GALNT13: variants seen among roughly 807,000 people sequenced by gnomAD.
GALNT13 encodes polypeptide N-acetylgalactosaminyltransferase 13, also known as UDP-GalNAc:polypeptide N-acetylgalactosaminyltransferase 13.
GALNT13 carries 28 observed loss-of-function variants against 64.2 expected under a neutral mutation model. That is an observed-to-expected ratio of 0.44 (90% CI 0.32 to 0.60). The LOEUF is 0.60. Ranked by LOEUF, GALNT13 falls within the 20% of genes least tolerant of loss-of-function variation. The pLI, the probability that GALNT13 is intolerant of heterozygous loss-of-function variation, is 0.05. For synonymous variants in GALNT13, 214 were observed against 224.6 expected (o/e 0.95, Z 0.42); for missense variants, 577 against 669.8 (o/e 0.86, Z 1.53).
chr2:154,275,266 G>A (rs1290889759), intron 8 of GALNT13, among the ~76,000 whole-genome samples: 1 of 152,028 alleles, frequency 6.6e-6, no homozygotes, highest in African/African-American at 2.4e-5. Flanking sequence ...AAGACAATGG[G>A]GAAAAGGTTT....
At chr2:154,279,161 C>G (rs1190909690) in intron 8 of GALNT13, among the ~76,000 whole-genome samples, 1 of 152,026 alleles carries the variant, frequency 6.6e-6, no homozygotes, top group Non-Finnish European at 1.5e-5. Context: ...CCAGAACACT[C>G]TAGATGAGTT....
chr2:153,215,279 G>A, the GALNT13 span, among the ~76,000 whole-genome samples: 38 of 151,978 alleles, frequency 2.5e-4, no homozygotes, highest in South Asian at 6.2e-4. Flanking sequence ...CCTGTCATCC[G>A]CCAGAGATTT....
chr2:153,977,554 C>A (rs1694163590), intron 3 of GALNT13, among the ~76,000 whole-genome samples: 1 of 152,146 alleles, frequency 6.6e-6, no homozygotes. Flanking sequence ...ATTCAATTAC[C>A]TCCACCTGGT....
At chr2:153,155,232 G>A in the GALNT13 span, among the ~76,000 whole-genome samples, 6 of 152,280 alleles carry the variant, frequency 3.9e-5, no homozygotes, top group South Asian at 1.2e-3. Context: ...GATGATGCTG[G>A]CCTCATAGAA....
chr2:153,576,319 C>A, the GALNT13 span, among the ~76,000 whole-genome samples: 3 of 152,142 alleles, frequency 2.0e-5, no homozygotes, highest in Non-Finnish European at 4.4e-5. Context: ...CAGTTCAACA[C>A]TAGGACTCAC....
At chr2:154,035,632 T>C (rs1430374886) in intron 3 of GALNT13, among the ~76,000 whole-genome samples, 3 of 152,086 alleles carry the variant, frequency 2.0e-5, no homozygotes, top group Non-Finnish European at 2.9e-5. Context: ...GGCAGAAATA[T>C]TTTCATCACT....
intron 3 of GALNT13, among the ~76,000 whole-genome samples, chr2:154,046,837 GC>G (rs1334659998): frequency 1.3e-5 from 2 of 151,978 alleles, no homozygotes; most frequent in African/African-American, 4.8e-5. Context: ...AATGAGAGAG[GC>G]CTGAGAAGAA....
intron 3 of GALNT13, among the ~76,000 whole-genome samples, chr2:154,088,216 T>C (rs1306910410): frequency 1.3e-5 from 2 of 152,144 alleles, no homozygotes; most frequent in African/African-American, 4.8e-5. Context: ...TTTCTTCTGT[T>C]ACATTCCAAT....
chr2:153,140,297 G>A, the GALNT13 span, among the ~76,000 whole-genome samples: 1 of 152,014 alleles, frequency 6.6e-6, no homozygotes, highest in African/African-American at 2.4e-5. Context: ...AACTGGCCTG[G>A]AAGGTGGAAT....
the GALNT13 span, among the ~76,000 whole-genome samples, chr2:153,102,357 A>G: frequency 1.3e-5 from 2 of 152,068 alleles, no homozygotes; most frequent in Non-Finnish European, 2.9e-5. Flanking sequence ...TTTAAATCTC[A>G]GAAGTATCTT....
the GALNT13 span, among the ~76,000 whole-genome samples, chr2:153,757,485 C>A: frequency 6.6e-6 from 1 of 152,150 alleles, no homozygotes; most frequent in Admixed American, 6.6e-5. Context: ...GTGCAGGTAT[C>A]TCCTTGACAT....
At chr2:153,976,120 T>A (rs1694060690) in intron 3 of GALNT13, among the ~76,000 whole-genome samples, 1 of 152,148 alleles carries the variant, frequency 6.6e-6, no homozygotes, top group African/African-American at 2.4e-5. Flanking sequence ...TGATTTTGTC[T>A]TACGTATGTA....
chr2:153,346,753 T>C, the GALNT13 span, among the ~76,000 whole-genome samples: 1 of 152,174 alleles, frequency 6.6e-6, no homozygotes, highest in African/African-American at 2.4e-5. Context: ...AAATGAATAA[T>C]AAATGTTTTC....
chr2:153,971,642 A>T (rs1693748964), intron 3 of GALNT13, among the ~76,000 whole-genome samples: 1 of 152,156 alleles, frequency 6.6e-6, no homozygotes, highest in Non-Finnish European at 1.5e-5. Context: ...TAGAGAAAGC[A>T]TGAAGTTTTC....
Position 154,176,402 on chromosome 2 carries a change from G to A in GALNT13, c.311+35897G>A, listed in dbSNP as rs181696796. Among the ~76,000 whole-genome samples, 735 of 151,472 alleles carry A rather than the reference G, an allele frequency of 4.9e-3. 9 individuals carry two copies. The highest frequency in any genetic ancestry group is 0.017 in the African/African-American group (695 of 41,298). On this transcript the variant is annotated intron_variant, in intron 4 of 12. Transcript: ENST00000392825. ...TGAGTAGCTGGGACTACAGGCGCCC[G>A]CCACCACGCCTGGCTAATTTTTTGT...
the GALNT13 span, among the ~76,000 whole-genome samples, chr2:153,220,876 T>G: frequency 6.6e-6 from 1 of 151,868 alleles, no homozygotes; most frequent in South Asian, 2.1e-4. Flanking sequence ...TAAATGGGAG[T>G]GGTCTAAATA....
chr2:153,374,814 C>T, the GALNT13 span, among the ~76,000 whole-genome samples: 1 of 152,138 alleles, frequency 6.6e-6, no homozygotes, highest in African/African-American at 2.4e-5. Flanking sequence ...CACTCTCTAG[C>T]ACACATTTCT....
chr2:153,193,367 A>G, the GALNT13 span, among the ~76,000 whole-genome samples: 2 of 148,228 alleles, frequency 1.3e-5, no homozygotes, highest in Non-Finnish European at 3.0e-5. Context: ...AACACCGCAT[A>G]TTCTCACTCA....
At chr2:154,438,483 C>T (rs574355271) in intron 11 of GALNT13, 109 bp from the exon 12 acceptor site, 6 of 696,040 alleles carry the variant, frequency 8.6e-6, no homozygotes, top group East Asian at 5.5e-5. Context: ...TACCAGCAAT[C>T]GTTTGAAAAC....
Sources: gnomAD v4.1 joint callset for allele counts (sites outside exome capture counted in the v4.1 genomes callset) on GRCh38, gnomAD v4.1.1 for gene constraint, MANE v1.5 for transcripts, NCBI Gene and HGNC (gene_info 2026-07-23, HGNC 2026-07-21) for gene names.